Variants in CAP2 observed in about 807,000 individuals in gnomAD.
CAP2 encodes the protein adenylyl cyclase-associated protein 2.
In CAP2, 24 loss-of-function variants were observed where a neutral mutation model predicts 57.7. The ratio of observed to expected loss-of-function variants is 0.42; its 90% CI spans 0.30 to 0.58. The LOEUF (loss-of-function observed/expected upper bound fraction) is 0.58. CAP2 is among the 20% of genes least tolerant of loss of function. CAP2 has a pLI of 0.22. For missense variants in CAP2, 501 were observed against 590.3 expected (o/e 0.85, Z 1.57); for synonymous variants, 194 against 207.2 (o/e 0.94, Z 0.55).
intron 4 of CAP2, among the ~76,000 whole-genome samples, chr6:17,495,371 C>A (rs3822905): frequency 0.64 from 98,021 of 152,066 alleles, 32,505 homozygotes; most frequent in East Asian, 0.73. Flanking sequence ...ATAGTGAGCA[C>A]AATTATCTCA....
intron 2 of CAP2, among the ~76,000 whole-genome samples, chr6:17,426,231 CTTT>C (rs551759980): frequency 7.1e-6 from 1 of 139,990 alleles, no homozygotes; most frequent in Non-Finnish European, 1.6e-5. Flanking sequence ...CCCAGGTTTT[CTTT>C]TTTTTTTTTT....
At chr6:17,515,429 G>A (rs1479147403) in intron 7 of CAP2, among the ~76,000 whole-genome samples, 3 of 152,010 alleles carry the variant, frequency 2.0e-5, no homozygotes, top group Non-Finnish European at 2.9e-5. Flanking sequence ...ACATAAAGAC[G>A]GGAAAAACAG....
At chr6:17,543,291 G>A (rs1038060910) in intron 11 of CAP2, 148 bp downstream of exon 11, 43 of 674,072 alleles carry the variant, frequency 6.4e-5, no homozygotes, top group East Asian at 5.9e-4. Flanking sequence ...TGTAAGCTGC[G>A]GCCTTGCACA....
intron 4 of CAP2, among the ~76,000 whole-genome samples, chr6:17,477,676 T>C (rs1761185130): frequency 6.6e-6 from 1 of 152,208 alleles, no homozygotes; most frequent in African/African-American, 2.4e-5. Flanking sequence ...AAGATCATCA[T>C]TGAAACCTCC....
rs762963959 is a variant in CAP2 at position 17,421,717 on chromosome 6, G to T, written c.121+41G>T. 1.1e-5 allele frequency: 17 copies of T among 1,610,568 alleles called. 1 individual carries two copies. The South Asian group carries it at 1.9e-4, about 18-fold the overall frequency. On this transcript the variant is annotated intron_variant, in intron 2 of 12. Coordinates refer to ENST00000229922, the MANE Select transcript of CAP2 (RefSeq NM_006366.3). The stretch of plus-strand genomic sequence containing the variant: ...GTTGTCATTCCTGGTCTTCTTGTGG[G>T]TTACTTCATTTTGTTTCCATAATTT...
chr6:17,542,756 T>C (rs1332900715), intron 9 of CAP2, 81 bp from the exon 10 acceptor site: 10 of 1,109,580 alleles, frequency 9.0e-6, no homozygotes, highest in Non-Finnish European at 1.2e-5. Flanking sequence ...TACTTCATGC[T>C]GAGCTCGTAC....
At chr6:17,444,529 T>C (rs1333331754) in intron 3 of CAP2, among the ~76,000 whole-genome samples, 3 of 150,828 alleles carry the variant, frequency 2.0e-5, no homozygotes, top group Non-Finnish European at 4.4e-5. Flanking sequence ...TAGACCCAGC[T>C]ACTCGAGAGG....
chr6:17,462,929 C>A, intron 3 of CAP2, 67 bp from the exon 4 acceptor site: 1 of 1,265,368 alleles, frequency 7.9e-7, no homozygotes, highest in Non-Finnish European at 1.2e-6. Flanking sequence ...GGTGGAATTG[C>A]CAGATTATAT....
At chr6:17,533,826 A>G (rs1762707745) in intron 7 of CAP2, among the ~76,000 whole-genome samples, 2 of 152,230 alleles carry the variant, frequency 1.3e-5, no homozygotes, top group East Asian at 3.9e-4. Context: ...TCGGCCTCCC[A>G]AAGTACTGTG....
rs543736991 is a variant in CAP2, at chr6:17,514,919, T to C, written c.636+965T>C. On this transcript the variant is annotated intron_variant, in intron 7 of 12. Coordinates refer to ENST00000229922, the MANE Select transcript of CAP2 (RefSeq NM_006366.3). ...ATGTATATGTTAAGAAATTGCGTGA[T>C]AGAGGCTGGGCACGGTGACTGTAAT... Among the ~76,000 whole-genome samples, 43 of 151,686 alleles carry C rather than the reference T, an allele frequency of 2.8e-4. 1 individual carries two copies. The highest frequency in any genetic ancestry group is 1.3e-4 in the Admixed American group (2 of 15,202).
chr6:17,471,126 G>T (rs1047615116), intron 4 of CAP2, among the ~76,000 whole-genome samples: 13 of 152,164 alleles, frequency 8.5e-5, no homozygotes, highest in Non-Finnish European at 1.8e-4. Context: ...AAATTACTTG[G>T]TGCTAGTGGC....
At chr6:17,549,503 C>G (rs1330382656) in intron 11 of CAP2, among the ~76,000 whole-genome samples, 1 of 151,922 alleles carries the variant, frequency 6.6e-6, no homozygotes, top group Non-Finnish European at 1.5e-5. Context: ...GGCTAACAAT[C>G]TGATAGAAAA....
chr6:17,414,164 A>AT (rs1175380598), intron 1 of CAP2, among the ~76,000 whole-genome samples: 1 of 151,974 alleles, frequency 6.6e-6, no homozygotes, highest in Non-Finnish European at 1.5e-5. Flanking sequence ...TTGTAACTTT[A>AT]TTTTTTGCAG....
chr6:17,421,854 C>G (rs878968665), intron 2 of CAP2, among the ~76,000 whole-genome samples, 178 bp downstream of exon 2: 2 of 152,230 alleles, frequency 1.3e-5, no homozygotes, highest in South Asian at 4.1e-4. Flanking sequence ...AGGAAGAAAA[C>G]CTTTCAACCC....
intron 4 of CAP2, among the ~76,000 whole-genome samples, chr6:17,499,492 A>G (rs911247832): frequency 6.6e-6 from 1 of 152,122 alleles, no homozygotes; most frequent in African/African-American, 2.4e-5. Context: ...ATCCAAAGCA[A>G]TGCATCCTCT....
intron 1 of CAP2, 143 bp from the exon 2 acceptor site, chr6:17,421,412 T>C: frequency 1.2e-6 from 1 of 844,762 alleles, no homozygotes. Flanking sequence ...CAATAATACA[T>C]ACAATTTCAT....
At chr6:17,477,626 C>A (rs1031038949) in intron 4 of CAP2, among the ~76,000 whole-genome samples, 4 of 152,152 alleles carry the variant, frequency 2.6e-5, no homozygotes, top group Non-Finnish European at 4.4e-5. Flanking sequence ...GGGTTTCCTC[C>A]CCATATTTAG....
chr6:17,557,272 A>G lies in CAP2; in HGVS notation c.*830A>G, dbSNP rs952583553. ...TTAAATATCAGATGCCTTGTAAATT[A>G]TGTCTTTAACGTTTTCTTATAGACT... On this transcript the variant is annotated 3_prime_UTR_variant, in exon 13 of 13. Transcript: ENST00000229922. 1 of 152,192 alleles carries G rather than the reference A, an allele frequency of 6.6e-6. No individual in the cohort carries two copies. The highest frequency in any genetic ancestry group is 2.4e-5 in the African/African-American group (1 of 41,456). The allele number at this position is 152,192 out of a possible 1,614,324, so 9.4% of individuals were successfully genotyped here.
At chr6:17,502,226 G>A (rs1168896392) in intron 4 of CAP2, among the ~76,000 whole-genome samples, 3 of 152,142 alleles carry the variant, frequency 2.0e-5, no homozygotes, top group Admixed American at 2.0e-4. Flanking sequence ...TATTGATTGA[G>A]TGTGCCTAAT....
Sources: gnomAD v4.1 joint callset for allele counts (sites outside exome capture counted in the v4.1 genomes callset) on GRCh38, gnomAD v4.1.1 for gene constraint, MANE v1.5 for transcripts, NCBI Gene and HGNC (gene_info 2026-07-23, HGNC 2026-07-21) for gene names.